Variants in SMIM35 observed in about 807,000 individuals in gnomAD.
SMIM35 encodes small integral membrane protein 35, also known as TMPRSS4 antisense RNA 1 (non-protein coding).
In SMIM35 at chr11:118,025,244, C is replaced by T. The variant is rs529409609; in HGVS notation, c.8-9435G>A. On this transcript the variant is annotated intron_variant, in intron 1 of 4. Transcript: ENST00000689828. Reference sequence around the variant, plus strand: ...GCAATGAACATATGAGTGCATGTGACTTTTTGGTAGAACTGCTTATTTTCT... The same window carrying T: ...GCAATGAACATATGAGTGCATGTGATTTTTTGGTAGAACTGCTTATTTTCT... The T allele has an allele frequency of 1.2e-3, 350 of 300,686 alleles. 1 individual carries two copies. The highest frequency in any genetic ancestry group is 6.8e-3 in the African/African-American group (305 of 44,716). The allele number at this position is 300,686 out of a possible 1,614,324, so 18.6% of individuals were successfully genotyped here.
intron 3 of SMIM35, among the ~76,000 whole-genome samples, 196 bp downstream of exon 3, chr11:118,014,512 A>G (rs1375251131): frequency 1.3e-5 from 2 of 152,100 alleles, no homozygotes; most frequent in Non-Finnish European, 2.9e-5. Context: ...AGGGTTTCAC[A>G]TAGTCCTGTC....
chr11:118,024,266 T>C (rs2058255846), intron 1 of SMIM35, among the ~76,000 whole-genome samples: 1 of 152,326 alleles, frequency 6.6e-6, no homozygotes, highest in Admixed American at 6.5e-5. Flanking sequence ...TCTTTTTTTA[T>C]TACATCAAGG....
At chr11:118,006,831 A>G (rs1213827827) in intron 4 of SMIM35, among the ~76,000 whole-genome samples, 1 of 152,146 alleles carries the variant, frequency 6.6e-6, no homozygotes, top group African/African-American at 2.4e-5. Context: ...TTTTCACCCT[A>G]CAACTCTTGG....
At chr11:118,074,324 A>T (rs1430556268) in intron 1 of SMIM35, among the ~76,000 whole-genome samples, 1 of 152,120 alleles carries the variant, frequency 6.6e-6, no homozygotes, top group Non-Finnish European at 1.5e-5. Flanking sequence ...AAAGAGGAAG[A>T]GATAAAAGAG....
chr11:118,070,571 C>T (rs946167706), intron 1 of SMIM35, among the ~76,000 whole-genome samples: 9 of 152,240 alleles, frequency 5.9e-5, no homozygotes, highest in Non-Finnish European at 1.2e-4. Flanking sequence ...TATGTCCCAG[C>T]TCCACTGTCC....
chr11:118,075,169 G>T (rs1944641245), intron 1 of SMIM35, among the ~76,000 whole-genome samples: 1 of 152,170 alleles, frequency 6.6e-6, no homozygotes, highest in African/African-American at 2.4e-5. Flanking sequence ...CCCTGCTGCT[G>T]GGGAGGTGCC....
chr11:118,065,513 G>A (rs887142346), intron 1 of SMIM35, among the ~76,000 whole-genome samples: 1 of 152,186 alleles, frequency 6.6e-6, no homozygotes, highest in Non-Finnish European at 1.5e-5. Flanking sequence ...TTGCATAGGA[G>A]TATAACTTTG....
intron 1 of SMIM35, among the ~76,000 whole-genome samples, chr11:118,069,927 G>A (rs956037596): frequency 2.0e-5 from 3 of 152,048 alleles, no homozygotes; most frequent in African/African-American, 7.2e-5. Flanking sequence ...CAGGGGTGGT[G>A]GCAGGCACCT....
chr11:118,058,172 A>G (rs1828999957), intron 1 of SMIM35, among the ~76,000 whole-genome samples: 1 of 152,074 alleles, frequency 6.6e-6, no homozygotes, highest in Non-Finnish European at 1.5e-5. Flanking sequence ...GGGGCTGGTC[A>G]CCCTGTTGTG....
At chr11:118,026,003 C>T in intron 1 of SMIM35, 1 of 307,932 alleles carries the variant, frequency 3.2e-6, no homozygotes, top group Non-Finnish European at 6.2e-6. Flanking sequence ...TTTCAATCTT[C>T]TGCATAGGGT....
intron 1 of SMIM35, among the ~76,000 whole-genome samples, chr11:118,070,913 G>T (rs886323437): frequency 7.2e-5 from 11 of 152,144 alleles, no homozygotes; most frequent in African/African-American, 2.7e-4. Context: ...TAGGGCAAAA[G>T]GCCTAGGCAT....
At chr11:118,071,910 A>G (rs1944577443) in intron 1 of SMIM35, among the ~76,000 whole-genome samples, 1 of 152,222 alleles carries the variant, frequency 6.6e-6, no homozygotes, top group African/African-American at 2.4e-5. Context: ...AGCTTCCAGC[A>G]CTGGTGGCAT....
intron 1 of SMIM35, among the ~76,000 whole-genome samples, chr11:118,054,278 G>A (rs546371235): frequency 6.6e-6 from 1 of 151,844 alleles, no homozygotes; most frequent in Admixed American, 6.6e-5. Flanking sequence ...GACGCATTGT[G>A]CATGTACAGA....
At chr11:118,037,155 G>T (rs1340706658) in intron 1 of SMIM35, among the ~76,000 whole-genome samples, 1 of 152,190 alleles carries the variant, frequency 6.6e-6, no homozygotes, top group African/African-American at 2.4e-5. Context: ...GTTGGCCAGC[G>T]ACCACTCTAA....
chr11:118,083,784 A>T (rs1302072702), intron 1 of SMIM35, among the ~76,000 whole-genome samples: 1 of 152,116 alleles, frequency 6.6e-6, no homozygotes, highest in Non-Finnish European at 1.5e-5. Flanking sequence ...GGCTGGGTGC[A>T]GTGGCTCACA....
intron 1 of SMIM35, among the ~76,000 whole-genome samples, chr11:118,063,440 A>G (rs762140773): frequency 6.6e-6 from 1 of 151,806 alleles, no homozygotes; most frequent in Non-Finnish European, 1.5e-5. Flanking sequence ...TACCCTCTTC[A>G]TGTTGAATCT....
chr11:118,032,245 A>G (rs2058325933), intron 1 of SMIM35, among the ~76,000 whole-genome samples: 2 of 152,206 alleles, frequency 1.3e-5, no homozygotes, highest in South Asian at 4.1e-4. Context: ...GCAACTGACA[A>G]AACTTGAGTA....
intron 1 of SMIM35, among the ~76,000 whole-genome samples, chr11:118,052,739 C>A (rs1179609511): frequency 1.3e-5 from 2 of 152,074 alleles, no homozygotes; most frequent in Non-Finnish European, 2.9e-5. Context: ...TTATAATGTG[C>A]CCCTGCCTGC....
At chr11:118,028,534 AC>A (rs1368571162) in intron 1 of SMIM35, among the ~76,000 whole-genome samples, 1 of 152,072 alleles carries the variant, frequency 6.6e-6, no homozygotes, top group Non-Finnish European at 1.5e-5. Flanking sequence ...TTCTATAAAA[AC>A]CCCTTTTAAA....
Sources: allele counts gnomAD v4.1 joint callset (sites outside exome capture counted in the v4.1 genomes callset), GRCh38; gene constraint gnomAD v4.1.1; transcripts MANE v1.5; gene names NCBI Gene and HGNC (gene_info 2026-07-23, HGNC 2026-07-21).